Variants in POLA2 observed in about 807,000 individuals in gnomAD.
The protein encoded by POLA2 is DNA polymerase alpha 2, accessory subunit.
POLA2 carries 47 observed loss-of-function variants against 82.8 expected under a neutral mutation model. The observed-to-expected ratio is 0.57, with a 90% confidence interval of 0.45 to 0.72. The LOEUF is 0.72. Among genes scored for constraint, POLA2 ranks in the 30% least tolerant of loss-of-function variants. The pLI, the probability that POLA2 is intolerant of heterozygous loss-of-function variation, is 0.00. For synonymous variants in POLA2, 287 were observed against 286.8 expected, an observed-to-expected ratio of 1.00 and a Z score of -0.01; for missense variants, 634 against 728.1, an observed-to-expected ratio of 0.87 and a Z score of 1.49.
intron 10 of POLA2, among the ~76,000 whole-genome samples, chr11:65,285,779 C>T (rs571440122): frequency 2.5e-4 from 38 of 152,148 alleles, no homozygotes; most frequent in African/African-American, 7.2e-4. Flanking sequence ...ATGAGGCACT[C>T]ATGGAGATAC....
intron 11 of POLA2, among the ~76,000 whole-genome samples, chr11:65,288,165 G>A (rs1949717271): frequency 6.6e-6 from 1 of 152,158 alleles, no homozygotes; most frequent in African/African-American, 2.4e-5. Flanking sequence ...AAAATTAGCT[G>A]GGCATGGTGG....
downstream of POLA2, among the ~76,000 whole-genome samples, chr11:65,299,565 C>T (rs928202328): frequency 2.0e-5 from 3 of 152,246 alleles, no homozygotes; most frequent in Admixed American, 6.5e-5. Context: ...GATCCTCCAT[C>T]CAGCTCTGCC....
chr11:65,282,597 C>G, intron 10 of POLA2, 76 bp downstream of exon 10: 2 of 1,235,130 alleles, frequency 1.6e-6, no homozygotes, highest in Admixed American at 3.4e-5. Flanking sequence ...GTTTCCCAAG[C>G]CCAAGAAAGC....
At chr11:65,305,031 C>T (rs1296048327) in intron 8 of POLA2, among the ~76,000 whole-genome samples, 2 of 147,916 alleles carry the variant, frequency 1.4e-5, no homozygotes, top group Non-Finnish European at 3.0e-5. Flanking sequence ...GGGCCTGACT[C>T]CCCCTTCTTC....
Position 65,298,168 on chromosome 11 carries a change from A to C in POLA2, c.*899A>C, listed in dbSNP as rs1949834125. 6.6e-6 allele frequency: 1 copy of C among 152,406 alleles called. No individual in the cohort carries two copies. The highest frequency in any genetic ancestry group is 1.5e-5 in the Non-Finnish European group (1 of 68,202). The allele number at this position is 152,406 out of a possible 1,614,324, so 9.4% of individuals were successfully genotyped here. The stretch of plus-strand genomic sequence containing the variant: ...GGCCCTAGAGCTGGGCTGCAGAGCA[A>C]GCAACTGGCTGCATGCCTGGGCCTC... On this transcript the variant is annotated 3_prime_UTR_variant, in exon 18 of 18. Transcript: ENST00000265465.
chr11:65,273,946 C>A (rs1161893664), intron 4 of POLA2, among the ~76,000 whole-genome samples: 1 of 151,952 alleles, frequency 6.6e-6, no homozygotes, highest in Non-Finnish European at 1.5e-5. Flanking sequence ...TCTTAATTTG[C>A]CAAATCACTT....
intron 17 of POLA2, among the ~76,000 whole-genome samples, chr11:65,296,737 A>G (rs528948439): frequency 6.6e-6 from 1 of 152,254 alleles, no homozygotes; most frequent in South Asian, 2.1e-4. Flanking sequence ...ACCTGAGGTC[A>G]GGAGTCTGAG....
At chr11:65,289,964 C>A in intron 13 of POLA2, 92 bp downstream of exon 13, 1 of 811,620 alleles carries the variant, frequency 1.2e-6, no homozygotes, top group African/African-American at 1.7e-5. Context: ...AAAGTCGTGG[C>A]AGGGCCAGGC....
intron 4 of POLA2, among the ~76,000 whole-genome samples, chr11:65,269,615 A>C (rs1276282987): frequency 6.6e-6 from 1 of 152,168 alleles, no homozygotes; most frequent in Non-Finnish European, 1.5e-5. Context: ...AATATCCCCC[A>C]TCTTGGAGGG....
At chr11:65,270,910 A>G (rs1321859865) in intron 4 of POLA2, among the ~76,000 whole-genome samples, 3 of 152,128 alleles carry the variant, frequency 2.0e-5, no homozygotes, top group African/African-American at 7.2e-5. Flanking sequence ...CAAAGTTTGA[A>G]CCAGCATATG....
At chr11:65,267,079 G>A (rs1470178435) in intron 2 of POLA2, among the ~76,000 whole-genome samples, 1 of 152,078 alleles carries the variant, frequency 6.6e-6, no homozygotes, top group African/African-American at 2.4e-5. Context: ...GGTGGCAGGC[G>A]CCTGTAATCC....
intron 9 of POLA2, 117 bp from the exon 10 acceptor site, chr11:65,282,362 C>T: frequency 2.5e-6 from 2 of 802,298 alleles, no homozygotes; most frequent in Non-Finnish European, 2.2e-6. Flanking sequence ...CCCTCTCGCT[C>T]CTCCCCACTG....
intron 7 of POLA2, among the ~76,000 whole-genome samples, chr11:65,280,265 G>T (rs997680781): frequency 3.9e-5 from 6 of 152,222 alleles, no homozygotes; most frequent in African/African-American, 7.2e-5. Context: ...AGGGAAGGCA[G>T]GGAGGCACAA....
At chr11:65,279,092 C>T (rs147341092) in intron 6 of POLA2, among the ~76,000 whole-genome samples, 169 bp downstream of exon 6, 9 of 152,330 alleles carry the variant, frequency 5.9e-5, no homozygotes, top group African/African-American at 2.2e-4. Flanking sequence ...ACGGGCAATA[C>T]TATCAGTGAT....
intron 5 of POLA2, among the ~76,000 whole-genome samples, chr11:65,277,969 C>T (rs886150111): frequency 2.0e-5 from 3 of 152,124 alleles, no homozygotes; most frequent in Admixed American, 6.5e-5. Context: ...CGATGGTGCC[C>T]CACATAAAAC....
chr11:65,282,617 T>C (rs1036785874), intron 10 of POLA2, 96 bp downstream of exon 10: 1 of 1,048,610 alleles, frequency 9.5e-7, no homozygotes, highest in Non-Finnish European at 1.5e-6. Flanking sequence ...CTGCAGAAGC[T>C]GCTGAAGAGC....
downstream of POLA2, among the ~76,000 whole-genome samples, chr11:65,300,427 C>T (rs145606515): frequency 1.3e-5 from 2 of 149,564 alleles, no homozygotes; most frequent in Non-Finnish European, 2.9e-5. Context: ...AACTCCTGAC[C>T]TCAGGGTTCA....
chr11:65,278,928 T>C lies in POLA2; in HGVS notation c.655+5T>C, dbSNP rs774380381. ...AGCTCCCAGACATTCGAGAAGGTGA[T>C]TGTTTTTCCCTTTGAAATTCTGGTG... On this transcript the variant is annotated splice_donor_5th_base_variant and intron_variant, in intron 6 of 17. Coordinates refer to ENST00000265465, the MANE Select transcript of POLA2 (RefSeq NM_002689.4). The C allele has an allele frequency of 1.2e-6, 2 of 1,611,992 alleles. No individual in the cohort carries two copies. The highest frequency in any genetic ancestry group is 1.7e-6 in the Non-Finnish European group (2 of 1,179,580).
chr11:65,285,385 G>C (rs1286936939), intron 10 of POLA2, among the ~76,000 whole-genome samples: 3 of 151,612 alleles, frequency 2.0e-5, no homozygotes, highest in African/African-American at 4.8e-5. Flanking sequence ...CCTGGCGACA[G>C]AGCTAGACTC....
Sources: allele counts gnomAD v4.1 joint callset (sites outside exome capture counted in the v4.1 genomes callset), GRCh38; gene constraint gnomAD v4.1.1; transcripts MANE v1.5; gene names NCBI Gene and HGNC (gene_info 2026-07-23, HGNC 2026-07-21).